The following ANK2 variants were observed in gnomAD, a reference collection of about 807,000 sequenced individuals.
The protein encoded by ANK2 is ankyrin 2, also known as ankyrin-2.
ANK2 carries 83 observed loss-of-function variants against 360.5 expected under a neutral mutation model. That is an observed-to-expected ratio of 0.23 (90% CI 0.19 to 0.28). The LOEUF is 0.28. Among genes scored for constraint, ANK2 ranks in the 10% least tolerant of loss-of-function variants. The pLI is 1.00. For missense variants in ANK2, 4,201 were observed against 4,795.7 expected (o/e 0.88, Z 3.66); for synonymous variants, 1,740 against 1,759.5 (o/e 0.99, Z 0.28).
rs967862834 is a variant in ANK2 at position 113,372,705 on chromosome 4, G to C, written c.11611-385G>C. ...GAGTGATCAACCTGGATCAATGAAGGCTTGGCATGTTCCTTAGGTAGTGCA... is the reference window on the plus strand; with the variant it reads ...GAGTGATCAACCTGGATCAATGAAGCCTTGGCATGTTCCTTAGGTAGTGCA... On this transcript the variant is annotated intron_variant, in intron 43 of 45. Coordinates refer to ENST00000357077, the MANE Select transcript of ANK2 (RefSeq NM_001148.6). 109 of 1,023,868 alleles carry C rather than the reference G, an allele frequency of 1.1e-4. No homozygotes were observed. The African/African-American group carries it at 1.1e-3, about 11-fold the overall frequency. 63.4% of individuals were successfully genotyped at this position (1,023,868 alleles called of 1,614,324 possible). A position where few individuals can be genotyped will look rare whatever the true frequency, so the allele number is the denominator to read the frequency against.
At chr4:113,218,871 T>C (rs362488) in intron 4 of ANK2, among the ~76,000 whole-genome samples, 4,241 of 152,266 alleles carry the variant, frequency 0.028, 98 homozygotes, top group East Asian at 0.068. Context: ...GAATCAACCT[T>C]AAAATGGTAG....
chr4:113,228,701 C>T (rs2099254352), intron 4 of ANK2, among the ~76,000 whole-genome samples: 1 of 151,868 alleles, frequency 6.6e-6, no homozygotes, highest in South Asian at 2.1e-4. Flanking sequence ...GGGTAGATAC[C>T]CAGTAGTCTC....
chr4:112,974,702 A>C (rs771834393), intron 2 of ANK2, among the ~76,000 whole-genome samples: 14 of 152,230 alleles, frequency 9.2e-5, no homozygotes, highest in Non-Finnish European at 1.9e-4. Context: ...AAAGGCAATG[A>C]AGTTTAGAAA....
intron 2 of ANK2, among the ~76,000 whole-genome samples, chr4:113,012,878 C>T (rs17618813): frequency 0.17 from 25,243 of 152,050 alleles, 2,642 homozygotes; most frequent in Non-Finnish European, 0.23. Flanking sequence ...ATCTCACAGG[C>T]CTCTCATCCA....
intron 2 of ANK2, among the ~76,000 whole-genome samples, chr4:113,037,539 A>G (rs764849055): frequency 6.6e-6 from 1 of 151,970 alleles, no homozygotes; most frequent in Non-Finnish European, 1.5e-5. Context: ...AGTAATTTGT[A>G]TAGTCAATGT....
chr4:112,884,616 C>G lies in ANK2; in HGVS notation c.-39-19839C>G, dbSNP rs2077735826. Among the ~76,000 whole-genome samples, 6 of 152,296 alleles carry G rather than the reference C, an allele frequency of 3.9e-5. No individual in the cohort carries two copies. In the South Asian group the frequency reaches 1.2e-3, roughly 32 times the overall value. On this transcript the variant is annotated intron_variant, in intron 1 of 30. Coordinates refer to the ANK2 transcript ENST00000503271. ...TGCTGACCATTGTTTCTCTCCCCTG[C>G]TCTAGCCTCATTCTAGCTCTCCAGC...
chr4:113,237,695 C>A, intron 7 of ANK2, 73 bp downstream of exon 7: 2 of 1,312,324 alleles, frequency 1.5e-6, no homozygotes, highest in South Asian at 2.4e-5. Context: ...AATAAATGCT[C>A]ACTAATTCAT....
intron 2 of ANK2, among the ~76,000 whole-genome samples, chr4:112,958,029 G>T (rs1001565622): frequency 2.0e-5 from 3 of 151,766 alleles, no homozygotes; most frequent in Non-Finnish European, 4.4e-5. Context: ...TCACTTCCTA[G>T]ATGGGTTGGT....
intron 1 of ANK2, among the ~76,000 whole-genome samples, chr4:113,170,329 C>T (rs1583699364): frequency 6.6e-6 from 1 of 152,200 alleles, no homozygotes; most frequent in Non-Finnish European, 1.5e-5. Flanking sequence ...TGCTGCTGCT[C>T]AGGCACTTTT....
chr4:112,829,685 G>C (rs1057087575), intron 1 of ANK2, among the ~76,000 whole-genome samples: 8 of 152,044 alleles, frequency 5.3e-5, no homozygotes, highest in Non-Finnish European at 1.2e-4. Context: ...GCTGGGCATG[G>C]TGACTCACAC....
At chr4:113,025,208 C>T (rs1298457897) in intron 2 of ANK2, among the ~76,000 whole-genome samples, 1 of 152,112 alleles carries the variant, frequency 6.6e-6, no homozygotes, top group East Asian at 1.9e-4. Context: ...CTATAGACAC[C>T]ACTCTAAACA....
At chr4:113,377,816 G>A (rs2097007963) in intron 45 of ANK2, among the ~76,000 whole-genome samples, 1 of 152,156 alleles carries the variant, frequency 6.6e-6, no homozygotes, top group Admixed American at 6.5e-5. Flanking sequence ...GTAGAAAGCA[G>A]TTGGGTGAAG....
At chr4:112,718,256 G>C in the ANK2 span, among the ~76,000 whole-genome samples, 1 of 152,204 alleles carries the variant, frequency 6.6e-6, no homozygotes, top group Non-Finnish European at 1.5e-5. Flanking sequence ...AGTTGATGGG[G>C]AGACAAGGAT....
At chr4:113,130,063 T>C (rs1449165611) in intron 1 of ANK2, among the ~76,000 whole-genome samples, 1 of 152,234 alleles carries the variant, frequency 6.6e-6, no homozygotes, top group Non-Finnish European at 1.5e-5. Flanking sequence ...CTGTATAATA[T>C]GCTGTTTCTG....
the ANK2 span, among the ~76,000 whole-genome samples, chr4:112,729,423 A>G: frequency 6.6e-6 from 1 of 152,180 alleles, no homozygotes; most frequent in Admixed American, 6.5e-5. Flanking sequence ...TAGCCAAGGT[A>G]TGGAAGCAAT....
chr4:112,792,596 T>C, the ANK2 span, among the ~76,000 whole-genome samples: 1 of 152,210 alleles, frequency 6.6e-6, no homozygotes. Context: ...AGGTGCTTGG[T>C]GTTTACTGTG....
At chr4:113,193,812 C>A (rs2098708645) in intron 2 of ANK2, among the ~76,000 whole-genome samples, 1 of 152,128 alleles carries the variant, frequency 6.6e-6, no homozygotes, top group Admixed American at 6.5e-5. Context: ...TTTCTTCTAA[C>A]CTCTTTCAAA....
chr4:113,178,379 G>C (rs2098295966), intron 2 of ANK2, among the ~76,000 whole-genome samples: 1 of 152,078 alleles, frequency 6.6e-6, no homozygotes, highest in Admixed American at 6.6e-5. Context: ...AGACCAGTCT[G>C]GTCAACATGG....
chr4:113,263,165 G>A (rs899346349), intron 13 of ANK2, among the ~76,000 whole-genome samples: 10 of 132,050 alleles, frequency 7.6e-5, no homozygotes, highest in African/African-American at 3.0e-4. Flanking sequence ...TCCAGCCTGG[G>A]AAACAGAGCA....
Sources: gnomAD v4.1 joint callset for allele counts (sites outside exome capture counted in the v4.1 genomes callset) on GRCh38, gnomAD v4.1.1 for gene constraint, MANE v1.5 for transcripts, NCBI Gene and HGNC (gene_info 2026-07-23, HGNC 2026-07-21) for gene names.